Variants in BMP2K observed in about 807,000 individuals in gnomAD.
BMP2K encodes the protein BMP2 inducible kinase, also known as BMP-2-inducible protein kinase.
Under a neutral mutation model 116.0 loss-of-function variants are expected in BMP2K, and 74 were observed. The observed-to-expected ratio is 0.64, with a 90% CI of 0.53 to 0.77. The LOEUF (loss-of-function observed/expected upper bound fraction) is 0.77. BMP2K is among the 30% of genes least tolerant of loss of function. The pLI is 0.00. For synonymous variants in BMP2K, 486 were observed against 502.5 expected (o/e 0.97, Z 0.44); for missense variants, 1,365 against 1,403.6 (o/e 0.97, Z 0.44).
intron 1 of BMP2K, among the ~76,000 whole-genome samples, chr4:78,816,741 T>G (rs535433262): frequency 1.3e-5 from 2 of 152,224 alleles, no homozygotes; most frequent in South Asian, 4.1e-4. Flanking sequence ...TTAGTTATAA[T>G]AAAGCATTTA....
rs780161748 is a variant in BMP2K, at chr4:78,859,706, A to G, written c.987+19A>G. 4 of 1,472,100 alleles carry G rather than the reference A, an allele frequency of 2.7e-6. No homozygotes were observed. In the Admixed American group the frequency reaches 7.1e-5, roughly 26 times the overall value. The allele number at this position is 1,472,100 out of a possible 1,614,324, so 91.2% of individuals were successfully genotyped here. On this transcript the variant is annotated intron_variant, in intron 8 of 15. Coordinates refer to ENST00000502613, the MANE Select transcript of BMP2K (RefSeq NM_198892.2). ...CATCAATGTAAGTAGATTTTCAAGT[A>G]GGATATGAATTTAAAATTCATTTTA...
chr4:78,805,480 T>C (rs541176024), intron 1 of BMP2K, among the ~76,000 whole-genome samples: 22 of 152,366 alleles, frequency 1.4e-4, no homozygotes, highest in South Asian at 4.1e-4. Context: ...AGTATTTCAA[T>C]CCAGTCTTTC....
chr4:78,863,316 C>A (rs1444245336), intron 9 of BMP2K, among the ~76,000 whole-genome samples: 1 of 152,034 alleles, frequency 6.6e-6, no homozygotes, highest in Non-Finnish European at 1.5e-5. Context: ...GTAAAGAGCA[C>A]ATTTTGGGAG....
chr4:78,848,935 C>T (rs566152041), intron 6 of BMP2K, among the ~76,000 whole-genome samples: 76 of 151,376 alleles, frequency 5.0e-4, no homozygotes, highest in African/African-American at 1.8e-3. Flanking sequence ...TGCTACAATA[C>T]TTTAGGTGTG....
intron 2 of BMP2K, among the ~76,000 whole-genome samples, chr4:78,827,359 C>G (rs1234689121): frequency 1.2e-4 from 18 of 152,126 alleles, no homozygotes; most frequent in African/African-American, 1.2e-4. Flanking sequence ...GGGCTACCAG[C>G]ATCAGTCTCA....
At chr4:78,884,055 G>T (rs1015373049) in intron 14 of BMP2K, among the ~76,000 whole-genome samples, 1 of 151,846 alleles carries the variant, frequency 6.6e-6, no homozygotes, top group African/African-American at 2.4e-5. Context: ...ACAAACAAAC[G>T]TGCTGAGAGG....
At chr4:78,844,619 A>G (rs998394463) in intron 4 of BMP2K, among the ~76,000 whole-genome samples, 1 of 151,622 alleles carries the variant, frequency 6.6e-6, no homozygotes, top group African/African-American at 2.4e-5. Context: ...GTACAAATCA[A>G]CCTGGGTTGG....
chr4:78,840,642 CTTT>C (rs963148948), intron 3 of BMP2K, among the ~76,000 whole-genome samples: 1 of 151,770 alleles, frequency 6.6e-6, no homozygotes, highest in Non-Finnish European at 1.5e-5. Context: ...AGAATACCTT[CTTT>C]TAAGCTTTAT....
chr4:78,793,513 T>C (rs546737311), intron 1 of BMP2K, among the ~76,000 whole-genome samples: 2 of 152,178 alleles, frequency 1.3e-5, no homozygotes, highest in South Asian at 2.1e-4. Context: ...TAATATAATA[T>C]GGATTTATAT....
chr4:78,801,605 T>C (rs1211299173), intron 1 of BMP2K, among the ~76,000 whole-genome samples: 1 of 152,192 alleles, frequency 6.6e-6, no homozygotes, highest in Non-Finnish European at 1.5e-5. Flanking sequence ...TTTAATTCTT[T>C]TTCTTGCTTT....
chr4:78,788,079 A>G (rs1727812359), intron 1 of BMP2K, among the ~76,000 whole-genome samples: 1 of 151,592 alleles, frequency 6.6e-6, no homozygotes, highest in Non-Finnish European at 1.5e-5. Flanking sequence ...TCTTGTCAGG[A>G]CTATTTTTCT....
At chr4:78,815,264 A>G (rs1461178830) in intron 1 of BMP2K, among the ~76,000 whole-genome samples, 1 of 152,178 alleles carries the variant, frequency 6.6e-6, no homozygotes, top group Admixed American at 6.6e-5. Flanking sequence ...AGAGCTTACT[A>G]TCATTTCTAT....
In BMP2K at chr4:78,891,979, A is replaced by G. The variant is rs1250572110; in HGVS notation, c.2062+4695A>G. On this transcript the variant is annotated intron_variant, in intron 15 of 15. Coordinates refer to ENST00000502613, the MANE Select transcript of BMP2K (RefSeq NM_198892.2). Reference sequence around the variant, plus strand: ...CTTGGAAACAACCTAGTTGACCATGATTTCTTTTATAAAAAATATTGCTGT... The same window carrying G: ...CTTGGAAACAACCTAGTTGACCATGGTTTCTTTTATAAAAAATATTGCTGT... Among the ~76,000 whole-genome samples the G allele has an allele frequency of 2.0e-5, 3 of 152,314 alleles. No individual in the cohort carries two copies. In the East Asian group the frequency reaches 5.8e-4, roughly 29 times the overall value.
At chr4:78,785,634 A>C (rs573036139) in intron 1 of BMP2K, among the ~76,000 whole-genome samples, 1 of 152,302 alleles carries the variant, frequency 6.6e-6, no homozygotes, top group South Asian at 2.1e-4. Context: ...TTAGTAACAA[A>C]ACAAAACCTT....
rs564249307 is a variant in BMP2K, at chr4:78,833,795, T to C, written c.403+108T>C. 1.5e-4 allele frequency: 109 copies of C among 713,686 alleles called. No individual in the cohort carries two copies. In the African/African-American group the frequency reaches 1.8e-3, roughly 12 times the overall value. The allele number at this position is 713,686 out of a possible 1,614,324, so 44.2% of individuals were successfully genotyped here. A position where few individuals can be genotyped will look rare whatever the true frequency, so the allele number is the denominator to read the frequency against. ...GCTGCTAACTAATTCTAGTCACTTA[T>C]TGTAATCTTACCTTTCATTATCTAA... On this transcript the variant is annotated intron_variant, in intron 3 of 15. Transcript: ENST00000502613.
intron 14 of BMP2K, 103 bp from the exon 15 acceptor site, chr4:78,887,071 G>A (rs1733132345): frequency 1.3e-6 from 1 of 770,696 alleles, no homozygotes; most frequent in African/African-American, 1.8e-5. Context: ...CAAAAAGGCT[G>A]GTGCTTTAAT....
intron 1 of BMP2K, among the ~76,000 whole-genome samples, 162 bp downstream of exon 1, chr4:78,776,883 T>C (rs1727277197): frequency 1.3e-5 from 2 of 152,178 alleles, no homozygotes; most frequent in South Asian, 4.1e-4. Flanking sequence ...CTTTCTCTCT[T>C]AAGCTGGCTT....
intron 15 of BMP2K, among the ~76,000 whole-genome samples, chr4:78,898,649 C>G (rs1467409923): frequency 6.7e-6 from 1 of 149,286 alleles, no homozygotes; most frequent in Non-Finnish European, 1.5e-5. Context: ...CAGAGCGAGA[C>G]TCCATCTCAA....
intron 13 of BMP2K, among the ~76,000 whole-genome samples, chr4:78,876,915 G>C (rs892741528): frequency 6.6e-6 from 1 of 152,030 alleles, no homozygotes; most frequent in Non-Finnish European, 1.5e-5. Context: ...TTATTATATA[G>C]CTTATTGCTC....
Sources: gnomAD v4.1 joint callset for allele counts (sites outside exome capture counted in the v4.1 genomes callset) on GRCh38, gnomAD v4.1.1 for gene constraint, MANE v1.5 for transcripts, NCBI Gene and HGNC (gene_info 2026-07-23, HGNC 2026-07-21) for gene names.